KYNU: variants seen among roughly 807,000 people sequenced by gnomAD.
The protein encoded by KYNU is L-kynurenine hydrolase.
A neutral mutation model predicts 59.2 loss-of-function variants in KYNU; 54 were observed. The observed-to-expected ratio is 0.91, with a 90% CI of 0.73 to 1.14. The LOEUF is 1.14. KYNU is among the 50% of genes most tolerant of loss of function. The pLI, the probability that KYNU is intolerant of heterozygous loss-of-function variation, is 0.00. For synonymous variants in KYNU, 177 were observed against 192.0 expected (o/e 0.92, Z 0.65); for missense variants, 567 against 554.4 (o/e 1.02, Z -0.23).
At chr2:142,933,468 C>T (rs1442874652) in intron 4 of KYNU, among the ~76,000 whole-genome samples, 2 of 151,986 alleles carry the variant, frequency 1.3e-5, no homozygotes, top group African/African-American at 4.8e-5. Context: ...GAACCTAGAG[C>T]CTAAAACATC....
intron 10 of KYNU, chr2:142,988,743 T>G (rs1685300582): frequency 4.6e-6 from 4 of 867,224 alleles, no homozygotes; most frequent in Admixed American, 1.7e-5. Context: ...CTCCTAAGCT[T>G]CTTTTTAAGT....
At chr2:142,960,883 C>G in intron 8 of KYNU, 113 bp downstream of exon 8, 1 of 993,440 alleles carries the variant, frequency 1.0e-6, no homozygotes, top group Non-Finnish European at 1.4e-6. Flanking sequence ...AAAACTATTT[C>G]AAAAGTTAAA....
intron 4 of KYNU, among the ~76,000 whole-genome samples, chr2:142,937,492 A>C (rs1289238226): frequency 1.3e-5 from 2 of 152,192 alleles, no homozygotes; most frequent in African/African-American, 4.8e-5. Context: ...CACTGTTAAA[A>C]AAAAAAATCA....
intron 4 of KYNU, 141 bp from the exon 5 acceptor site, chr2:142,954,665 ACTTC>A: frequency 1.7e-6 from 1 of 594,344 alleles, no homozygotes. Flanking sequence ...AAGTGGGAAA[ACTTC>A]CATTTCTTTG....
At chr2:143,032,295 A>AC (rs1262878472) in intron 11 of KYNU, among the ~76,000 whole-genome samples, 12 of 80,886 alleles carry the variant, frequency 1.5e-4, no homozygotes, top group Non-Finnish European at 2.6e-4. Flanking sequence ...AAAACAAAAA[A>AC]AAAAAACAAA....
chr2:143,039,062 T>C (rs1162478676), intron 12 of KYNU, among the ~76,000 whole-genome samples: 2 of 152,156 alleles, frequency 1.3e-5, no homozygotes, highest in Non-Finnish European at 2.9e-5. Flanking sequence ...CACCAGTTAT[T>C]GTGTGCCCTT....
intron 6 of KYNU, 37 bp downstream of exon 6, chr2:142,956,311 A>G: frequency 5.3e-6 from 7 of 1,312,128 alleles, no homozygotes; most frequent in Non-Finnish European, 7.7e-6. Flanking sequence ...TGTTCTTTCT[A>G]CTCTTCCTAG....
chr2:142,956,659 T>C (rs1423170777), intron 6 of KYNU, among the ~76,000 whole-genome samples: 2 of 152,210 alleles, frequency 1.3e-5, no homozygotes, highest in African/African-American at 4.8e-5. Flanking sequence ...TATAAACTTT[T>C]ATTTGTCCAG....
At chr2:143,040,107 C>T (rs1338978797) in intron 12 of KYNU, among the ~76,000 whole-genome samples, 1 of 152,086 alleles carries the variant, frequency 6.6e-6, no homozygotes, top group Non-Finnish European at 1.5e-5. Flanking sequence ...TCGGTCAGTA[C>T]TGAAACAGTT....
intron 2 of KYNU, among the ~76,000 whole-genome samples, chr2:142,893,111 T>C (rs1681764452): frequency 1.3e-5 from 2 of 152,208 alleles, no homozygotes; most frequent in East Asian, 1.9e-4. Flanking sequence ...AAAAATGAAA[T>C]GCATGTAGGG....
intron 10 of KYNU, among the ~76,000 whole-genome samples, chr2:143,002,474 AT>A (rs1386343943): frequency 6.6e-6 from 1 of 152,132 alleles, no homozygotes; most frequent in African/African-American, 2.4e-5. Context: ...TCCTCCTGTG[AT>A]ACTGTTTGAA....
At position 142,977,372 on chromosome 2, in the gene KYNU, G is replaced by GAGTTATATATATATATATAT. The variant is rs1553484697; in HGVS notation, c.730-7711_730-7710insGTTATATATATATATATATA. Among the ~76,000 whole-genome samples the GAGTTATATATATATATATAT allele has an allele frequency of 2.9e-3, 386 of 131,202 alleles. 5 individuals are homozygous for GAGTTATATATATATATATAT. The highest frequency in any genetic ancestry group is 0.011 in the African/African-American group (369 of 34,608). The allele number at this position is 131,202 out of a possible 152,430, so 86.1% of individuals were successfully genotyped here. A position where few individuals can be genotyped will look rare whatever the true frequency, so the allele number is the denominator to read the frequency against. On this transcript the variant is annotated intron_variant, in intron 8 of 13. Transcript: ENST00000264170. ...AGCTTCCTGGATGGAATTTTGTGTG[G>GAGTTATATATATATATATAT]ATATATATATATATGAATAATCATA... is the stretch of plus-strand genomic sequence containing the variant.
In KYNU at chr2:143,046,370, G is replaced by T. The variant is rs550121898; in HGVS notation, c.*4198G>T. The T allele has an allele frequency of 1.3e-5, 2 of 152,164 alleles. No homozygotes were observed. Among genetic ancestry groups the T allele is most frequent in the South Asian group, 4.2e-4 (2 of 4,818 alleles). The allele number at this position is 152,164 out of a possible 1,614,324, so 9.4% of individuals were successfully genotyped here. A position where few individuals can be genotyped will look rare whatever the true frequency, so the allele number is the denominator to read the frequency against. ...TAGCTTTCCATTCATTTTCACTGCT[G>T]CTCAGTATTGTATTACAAATTTTAC... On this transcript the variant is annotated 3_prime_UTR_variant, in exon 14 of 14. Transcript: ENST00000264170.
intron 4 of KYNU, among the ~76,000 whole-genome samples, chr2:142,936,346 A>G (rs770898017): frequency 1.5e-4 from 23 of 152,152 alleles, no homozygotes; most frequent in Non-Finnish European, 2.6e-4. Flanking sequence ...CATCCAGGCT[A>G]TATTGTAAAA....
chr2:142,881,916 C>CTTTTTTTTTT (rs869099302), intron 1 of KYNU, among the ~76,000 whole-genome samples: 71 of 113,150 alleles, frequency 6.3e-4, no homozygotes, highest in Non-Finnish European at 1.1e-3. Flanking sequence ...TTTCTTTTTT[C>CTTTTTTTTTT]TTTTTTTTTT....
chr2:143,028,433 G>A (rs1686641688), intron 10 of KYNU, among the ~76,000 whole-genome samples: 1 of 149,142 alleles, frequency 6.7e-6, no homozygotes, highest in South Asian at 2.1e-4. Flanking sequence ...TAGTAGAGAC[G>A]GTGTTTCACC....
chr2:143,038,899 T>C (rs866596097), intron 12 of KYNU, among the ~76,000 whole-genome samples: 1 of 152,200 alleles, frequency 6.6e-6, no homozygotes, highest in Non-Finnish European at 1.5e-5. Flanking sequence ...TCTTTGCTCA[T>C]GACACAGAAA....
intron 10 of KYNU, among the ~76,000 whole-genome samples, chr2:143,010,878 G>A (rs931631043): frequency 6.9e-6 from 1 of 145,272 alleles, no homozygotes; most frequent in Non-Finnish European, 1.5e-5. Flanking sequence ...GCTGAAACTG[G>A]ATCCCTTCCT....
chr2:142,909,808 G>A (rs934560156), intron 2 of KYNU, among the ~76,000 whole-genome samples: 6 of 151,924 alleles, frequency 3.9e-5, no homozygotes, highest in Non-Finnish European at 7.4e-5. Flanking sequence ...TTTTCTTTAG[G>A]TATATACTTG....
Sources: gnomAD v4.1 joint callset for allele counts (sites outside exome capture counted in the v4.1 genomes callset) on GRCh38, gnomAD v4.1.1 for gene constraint, MANE v1.5 for transcripts, NCBI Gene and HGNC (gene_info 2026-07-23, HGNC 2026-07-21) for gene names.